KIAA1217: variants seen among roughly 807,000 people sequenced by gnomAD.
The protein encoded by KIAA1217 is KIAA1217.
In KIAA1217, 88 loss-of-function variants were observed where a neutral mutation model predicts 163.9. The ratio of observed to expected loss-of-function variants is 0.54; its 90% CI spans 0.45 to 0.64. The LOEUF is 0.64. Ranked by LOEUF, KIAA1217 falls within the 30% of genes least tolerant of loss-of-function variation. KIAA1217 has a pLI of 0.00. For missense variants in KIAA1217, 2,372 were observed against 2,475.0 expected, an observed-to-expected ratio of 0.96 and a Z score of 0.88; for synonymous variants, 903 against 923.1, an observed-to-expected ratio of 0.98 and a Z score of 0.39.
chr10:24,249,319 G>A (rs965523855), intron 2 of KIAA1217, among the ~76,000 whole-genome samples: 1 of 152,152 alleles, frequency 6.6e-6, no homozygotes, highest in Admixed American at 6.5e-5. Context: ...CTGAAAAATA[G>A]TAAGAAACAA....
chr10:24,084,973 G>C (rs1287926266), intron 2 of KIAA1217, among the ~76,000 whole-genome samples: 1 of 149,122 alleles, frequency 6.7e-6, no homozygotes, highest in African/African-American at 2.5e-5. Flanking sequence ...GAGTGCAGTG[G>C]TGCCATCTCG....
intron 1 of KIAA1217, among the ~76,000 whole-genome samples, chr10:23,900,846 C>T (rs1841927292): frequency 6.6e-6 from 1 of 152,014 alleles, no homozygotes; most frequent in Non-Finnish European, 1.5e-5. Context: ...CTAGGGTAAG[C>T]TATAAAGCTT....
intron 2 of KIAA1217, among the ~76,000 whole-genome samples, chr10:24,345,317 C>T (rs546151943): frequency 3.3e-5 from 5 of 152,250 alleles, no homozygotes; most frequent in African/African-American, 9.6e-5. Flanking sequence ...CTGCCCACTT[C>T]GTAGGAATAC....
chr10:24,533,987 A>G (rs1392011074), intron 16 of KIAA1217, among the ~76,000 whole-genome samples: 2 of 152,196 alleles, frequency 1.3e-5, no homozygotes, highest in African/African-American at 4.8e-5. Flanking sequence ...CTTTGTGTAG[A>G]GTATTTCATT....
At chr10:24,041,814 C>T (rs1276229377) in intron 2 of KIAA1217, among the ~76,000 whole-genome samples, 1 of 152,164 alleles carries the variant, frequency 6.6e-6, no homozygotes, top group Admixed American at 6.5e-5. Context: ...GTGGTATGCA[C>T]TTCATAATAA....
At chr10:24,052,744 G>A (rs1849604562) in intron 2 of KIAA1217, among the ~76,000 whole-genome samples, 2 of 151,814 alleles carry the variant, frequency 1.3e-5, no homozygotes, top group South Asian at 2.1e-4. Context: ...TTTTTATTTG[G>A]GGCTATGTCT....
chr10:23,724,699 C>G (rs1334946539), intron 1 of KIAA1217, among the ~76,000 whole-genome samples: 1 of 152,152 alleles, frequency 6.6e-6, no homozygotes, highest in African/African-American at 2.4e-5. Flanking sequence ...CCTAAATGGT[C>G]CCAGAAAGTC....
At chr10:23,768,461 C>A (rs987150717) in intron 1 of KIAA1217, among the ~76,000 whole-genome samples, 11 of 152,160 alleles carry the variant, frequency 7.2e-5, no homozygotes, top group African/African-American at 2.7e-4. Context: ...TGGCACATTG[C>A]CAGGTACATA....
At chr10:24,218,438 C>T (rs549579584) in intron 1 of KIAA1217, among the ~76,000 whole-genome samples, 1 of 152,260 alleles carries the variant, frequency 6.6e-6, no homozygotes, top group African/African-American at 2.4e-5. Flanking sequence ...GTAAAGTCCA[C>T]CTCAAGTAAA....
At chr10:24,185,724 G>C (rs2131963572) in intron 2 of KIAA1217, among the ~76,000 whole-genome samples, 1 of 152,272 alleles carries the variant, frequency 6.6e-6, no homozygotes, top group Non-Finnish European at 1.5e-5. Context: ...GAACCCAAGA[G>C]GCAGAGGTTG....
rs1404425061 is a variant in KIAA1217, at chr10:24,279,285, T to G, written c.354+59376T>G. Among the ~76,000 whole-genome samples the G allele has an allele frequency of 1.2e-3, 184 of 152,076 alleles. 1 individual carries two copies. Among genetic ancestry groups the G allele is most frequent in the African/African-American group, 4.4e-3 (182 of 41,526 alleles). ...TGGTGTTTTTGTTTGTTTGTTTTTT[T>G]TTTTAAAAAAAGATCTGCAGAGGCT... On this transcript the variant is annotated intron_variant, in intron 2 of 20. Transcript: ENST00000376454.
intron 2 of KIAA1217, among the ~76,000 whole-genome samples, chr10:24,319,939 ATAAC>A (rs1374124463): frequency 1.3e-5 from 2 of 152,234 alleles, no homozygotes; most frequent in Non-Finnish European, 2.9e-5. Flanking sequence ...TTTCCATGAG[ATAAC>A]TAAAACCCGC....
At chr10:24,402,288 C>T (rs7071643) in intron 3 of KIAA1217, among the ~76,000 whole-genome samples, 28,316 of 151,832 alleles carry the variant, frequency 0.19, 3,039 homozygotes, top group African/African-American at 0.29. Context: ...GGGCGGATCA[C>T]GAGGTCAGGA....
chr10:23,880,524 G>A (rs1369098532), intron 1 of KIAA1217, among the ~76,000 whole-genome samples: 1 of 151,820 alleles, frequency 6.6e-6, no homozygotes. Flanking sequence ...GAATAAGTAA[G>A]ACCTAGTATT....
At chr10:23,950,092 C>A (rs1844257638) in intron 1 of KIAA1217, among the ~76,000 whole-genome samples, 1 of 152,092 alleles carries the variant, frequency 6.6e-6, no homozygotes, top group South Asian at 2.1e-4. Flanking sequence ...GAAATCTGAA[C>A]CAAGACCCCT....
At chr10:24,140,359 CAAA>C (rs1260294070) in intron 2 of KIAA1217, among the ~76,000 whole-genome samples, 12 of 94,222 alleles carry the variant, frequency 1.3e-4, no homozygotes, top group Non-Finnish European at 4.5e-5. Flanking sequence ...GACTCTGTCT[CAAA>C]AAAAAAAAAA....
At chr10:23,780,232 A>G (rs576622089) in intron 1 of KIAA1217, among the ~76,000 whole-genome samples, 1 of 152,350 alleles carries the variant, frequency 6.6e-6, no homozygotes, top group South Asian at 2.1e-4. Flanking sequence ...TGCACAAGTT[A>G]ACACATCCAT....
intron 2 of KIAA1217, among the ~76,000 whole-genome samples, chr10:24,257,704 G>T (rs2075310106): frequency 6.6e-6 from 1 of 152,156 alleles, no homozygotes; most frequent in Admixed American, 6.6e-5. Flanking sequence ...CCAGGAGCGT[G>T]CCAGTACTTA....
intron 2 of KIAA1217, among the ~76,000 whole-genome samples, chr10:24,368,276 G>A (rs1242549839): frequency 1.3e-5 from 2 of 152,122 alleles, no homozygotes; most frequent in Non-Finnish European, 2.9e-5. Flanking sequence ...GGCATAGTGA[G>A]CTCTTCCCTA....
Sources: gnomAD v4.1 joint callset for allele counts (sites outside exome capture counted in the v4.1 genomes callset) on GRCh38, gnomAD v4.1.1 for gene constraint, MANE v1.5 for transcripts, NCBI Gene and HGNC (gene_info 2026-07-23, HGNC 2026-07-21) for gene names.